DPY19L4: variants seen among roughly 807,000 people sequenced by gnomAD.
The protein encoded by DPY19L4 is probable C-mannosyltransferase DPY19L4.
A neutral mutation model predicts 102.8 loss-of-function variants in DPY19L4; 97 were observed. The ratio of observed to expected loss-of-function variants is 0.94; its 90% CI spans 0.80 to 1.12. DPY19L4 has a LOEUF of 1.12. Ranked by LOEUF, DPY19L4 falls within the 50% of genes most tolerant of loss-of-function variation. The probability of loss-of-function intolerance (pLI) is 0.00; values close to 1 mark genes in which losing one functional copy is unlikely to be tolerated. For synonymous variants in DPY19L4, 252 were observed against 283.1 expected (o/e 0.89, Z 1.10); for missense variants, 815 against 850.4 (o/e 0.96, Z 0.52).
intron 17 of DPY19L4, 143 bp downstream of exon 17, chr8:94,783,945 C>A: frequency 1.0e-6 from 1 of 971,744 alleles, no homozygotes; most frequent in Non-Finnish European, 1.5e-6. Context: ...TTTAAAAAAC[C>A]TTTTTAATTA....
At chr8:94,763,956 G>A (rs1473348993) in intron 8 of DPY19L4, among the ~76,000 whole-genome samples, 1 of 152,054 alleles carries the variant, frequency 6.6e-6, no homozygotes, top group Non-Finnish European at 1.5e-5. Flanking sequence ...TTATAGATGT[G>A]AGCCACCGAG....
rs1444091710 is a variant in DPY19L4, at chr8:94,734,441, T to A, written c.128-189T>A. Among the ~76,000 whole-genome samples the A allele has an allele frequency of 2.6e-5, 4 of 152,204 alleles. No homozygotes were observed. The South Asian group carries it at 6.2e-4, about 24-fold the overall frequency. On this transcript the variant is annotated intron_variant, in intron 2 of 18. Transcript: ENST00000414645. Reference sequence around the variant, plus strand: ...TACTTTCTCAAGCTCTTGTTTTTGATGACCTTGACAGTTTGAGAGATATAT... The same window carrying A: ...TACTTTCTCAAGCTCTTGTTTTTGAAGACCTTGACAGTTTGAGAGATATAT...
chr8:94,723,287 A>G (rs1810549509), intron 1 of DPY19L4, among the ~76,000 whole-genome samples: 1 of 152,214 alleles, frequency 6.6e-6, no homozygotes, highest in East Asian at 1.9e-4. Context: ...CCTGGCCAAC[A>G]TGATGAAACC....
chr8:94,745,915 C>T (rs1811650621), intron 6 of DPY19L4, among the ~76,000 whole-genome samples: 2 of 151,990 alleles, frequency 1.3e-5, no homozygotes, highest in African/African-American at 4.8e-5. Context: ...CCACCACACC[C>T]ACCTAATTTT....
intron 6 of DPY19L4, among the ~76,000 whole-genome samples, chr8:94,752,722 C>T (rs1403008058): frequency 2.7e-5 from 4 of 149,416 alleles, no homozygotes; most frequent in Non-Finnish European, 4.5e-5. Context: ...TGGAGTGCAG[C>T]GACGTGATCT....
chr8:94,737,911 T>C (rs1225254615), intron 3 of DPY19L4, among the ~76,000 whole-genome samples: 4 of 152,084 alleles, frequency 2.6e-5, no homozygotes, highest in African/African-American at 9.7e-5. Flanking sequence ...CCTGTAGTCC[T>C]AGCTACTGGG....
chr8:94,753,026 T>A (rs1446814160), intron 6 of DPY19L4, among the ~76,000 whole-genome samples: 1 of 150,468 alleles, frequency 6.6e-6, no homozygotes, highest in Non-Finnish European at 1.5e-5. Flanking sequence ...AAAAAAAACC[T>A]GACAGTTTTA....
In DPY19L4 at chr8:94,739,516, T is replaced by C; in HGVS notation, c.447T>C (p.Tyr149=). 1 of 1,606,374 alleles carries C rather than the reference T, an allele frequency of 6.2e-7. No individual in the cohort carries two copies. The highest frequency in any genetic ancestry group is 8.5e-7 in the Non-Finnish European group (1 of 1,178,040). ...LYPELIASIL[Y]QATGSNEIIE... ...CGGAACTTATTGCTAGCATTTTATA[T>C]CAAGCCACTGGTAGCAATGTATGTA... The change falls in exon 5 of 19, where the codon TAT becomes TAC. Residue 149 remains tyrosine (Y), a synonymous_variant. Coordinates refer to ENST00000414645, the MANE Select transcript of DPY19L4 (RefSeq NM_181787.3).
At chr8:94,738,961 G>A (rs1358697555) in intron 4 of DPY19L4, among the ~76,000 whole-genome samples, 1 of 151,992 alleles carries the variant, frequency 6.6e-6, no homozygotes, top group Admixed American at 6.6e-5. Context: ...GATCAAATCA[G>A]GGTAGTTAGT....
chr8:94,733,912 C>T lies in DPY19L4; in HGVS notation c.128-718C>T, dbSNP rs116673573. Among the ~76,000 whole-genome samples the T allele has an allele frequency of 7.5e-3, 1,143 of 152,282 alleles. 6 individuals carry two copies. The highest frequency in any genetic ancestry group is 0.022 in the African/African-American group (916 of 41,546). ...GCAGATAGAGTTCCTGTATTACACTCTCCCACATATGGAGTTTCCCTTATT... is the reference window on the plus strand; with the variant it reads ...GCAGATAGAGTTCCTGTATTACACTTTCCCACATATGGAGTTTCCCTTATT... On this transcript the variant is annotated intron_variant, in intron 2 of 18. Transcript: ENST00000414645.
At chr8:94,780,568 G>A (rs1813385102) in intron 15 of DPY19L4, among the ~76,000 whole-genome samples, 153 bp downstream of exon 15, 1 of 151,972 alleles carries the variant, frequency 6.6e-6, no homozygotes, top group Non-Finnish European at 1.5e-5. Flanking sequence ...TTGTTATTAG[G>A]AACATTGCAG....
At chr8:94,734,593 A>G in intron 2 of DPY19L4, 37 bp from the exon 3 acceptor site, 2 of 1,578,804 alleles carry the variant, frequency 1.3e-6, no homozygotes, top group Non-Finnish European at 1.7e-6. Flanking sequence ...TCAAGGGTAC[A>G]TATTACCTTT....
At chr8:94,786,234 C>T (rs892932573) in intron 17 of DPY19L4, among the ~76,000 whole-genome samples, 2 of 152,032 alleles carry the variant, frequency 1.3e-5, no homozygotes, top group African/African-American at 4.8e-5. Flanking sequence ...TCAAACAGTT[C>T]TCCTGCCTCA....
intron 6 of DPY19L4, among the ~76,000 whole-genome samples, chr8:94,755,595 T>G (rs1812124695): frequency 6.6e-6 from 1 of 152,188 alleles, no homozygotes; most frequent in East Asian, 1.9e-4. Context: ...AGATGCTGTA[T>G]AGACAATGGT....
intron 2 of DPY19L4, among the ~76,000 whole-genome samples, chr8:94,728,813 T>C (rs546806671): frequency 2.0e-5 from 3 of 152,274 alleles, no homozygotes; most frequent in Admixed American, 2.0e-4. Flanking sequence ...TAGAATAGAA[T>C]TGGACTATTT....
At position 94,768,566 on chromosome 8, in the gene DPY19L4, G is replaced by A. The variant is rs746808796; in HGVS notation, c.1334+13G>A. ...TTAGGAGGATTAAGTAAGTACCTAT[G>A]AGAATCAATCATATTACTAACATAA... On this transcript the variant is annotated intron_variant, in intron 12 of 18. Transcript: ENST00000414645. The A allele has an allele frequency of 7.2e-7, 1 of 1,383,342 alleles. No individual in the cohort carries two copies. Among genetic ancestry groups the A allele is most frequent in the South Asian group, 1.3e-5 (1 of 75,254 alleles). 85.7% of individuals were successfully genotyped at this position (1,383,342 alleles called of 1,614,324 possible). A position where few individuals can be genotyped will look rare whatever the true frequency, so the allele number is the denominator to read the frequency against.
chr8:94,737,070 G>A (rs1343642671), intron 3 of DPY19L4, among the ~76,000 whole-genome samples: 3 of 152,048 alleles, frequency 2.0e-5, no homozygotes, highest in Non-Finnish European at 4.4e-5. Flanking sequence ...CATTAATGGG[G>A]CCACTAGTAA....
At chr8:94,745,478 A>G (rs1486096156) in intron 6 of DPY19L4, among the ~76,000 whole-genome samples, 2 of 152,206 alleles carry the variant, frequency 1.3e-5, no homozygotes, top group Non-Finnish European at 2.9e-5. Flanking sequence ...AAGCAACTGT[A>G]CATTGTAACA....
Position 94,761,689 on chromosome 8 carries a change from G to T in DPY19L4, c.736-11G>T, listed in dbSNP as rs752984771. ...TATTGATATTTAGTTTCTTTCATTTGTTTTCCCTAGAGGTTTTGCTACTTG... is the reference window on the plus strand; with the variant it reads ...TATTGATATTTAGTTTCTTTCATTTTTTTTCCCTAGAGGTTTTGCTACTTG... On this transcript the variant is annotated splice_polypyrimidine_tract_variant and intron_variant, in intron 7 of 18. Transcript: ENST00000414645. 21 of 1,568,690 alleles carry T rather than the reference G, an allele frequency of 1.3e-5. No individual in the cohort carries two copies. The highest frequency in any genetic ancestry group is 3.4e-6 in the Non-Finnish European group (4 of 1,162,640).
Sources: allele counts gnomAD v4.1 joint callset (sites outside exome capture counted in the v4.1 genomes callset), GRCh38; gene constraint gnomAD v4.1.1; transcripts MANE v1.5; gene names NCBI Gene and HGNC (gene_info 2026-07-23, HGNC 2026-07-21).